Variants in ECI2 observed in about 807,000 individuals in gnomAD.
The protein encoded by ECI2 is enoyl-CoA delta isomerase 2, also known as D3,D2-enoyl-CoA isomerase.
A neutral mutation model predicts 38.4 loss-of-function variants in ECI2; 27 were observed. The ratio of observed to expected loss-of-function variants is 0.70; its 90% CI spans 0.52 to 0.97. The LOEUF is 0.97. Ranked by LOEUF, ECI2 falls within the 50% of genes least tolerant of loss-of-function variation. The pLI is 0.00. For missense variants in ECI2, 470 were observed against 474.4 expected (o/e 0.99, Z 0.09); for synonymous variants, 168 against 172.0 (o/e 0.98, Z 0.18).
chr6:4,120,010 A>G (rs1772593158), intron 7 of ECI2, among the ~76,000 whole-genome samples: 1 of 152,162 alleles, frequency 6.6e-6, no homozygotes, highest in Non-Finnish European at 1.5e-5. Flanking sequence ...GTTCCTCGCT[A>G]TTTCTGAGTA....
chr6:4,135,570 G>A lies in ECI2; in HGVS notation c.-10C>T. On this transcript the variant is annotated 5_prime_UTR_variant, in exon 1 of 10. Transcript: ENST00000380118. ...AGTACGCCATCGCCATCCCTTGGGC[G>A]GCTCTAGGGCTGCGGGGGCTCGGGG... 2 of 1,591,252 alleles carry A rather than the reference G, an allele frequency of 1.3e-6. No homozygotes were observed. Among genetic ancestry groups the A allele is most frequent in the Non-Finnish European group, 1.7e-6 (2 of 1,170,870 alleles).
Position 4,119,287 on chromosome 6 carries a change from G to A in ECI2, c.796-12C>T. The A allele has an allele frequency of 6.4e-7, 1 of 1,569,446 alleles. No homozygotes were observed. The highest frequency in any genetic ancestry group is 8.6e-7 in the Non-Finnish European group (1 of 1,156,350). ...GTATGAAATGTTGCCTGCAGAGGCA[G>A]GAGAGAAAAGAAAACCATCTTTTCA... On this transcript the variant is annotated splice_polypyrimidine_tract_variant and intron_variant, in intron 7 of 9. Coordinates refer to ENST00000380118, the MANE Select transcript of ECI2 (RefSeq NM_206836.3).
At chr6:4,133,395 G>A (rs557587020) in intron 2 of ECI2, among the ~76,000 whole-genome samples, 154 bp downstream of exon 2, 2 of 151,884 alleles carry the variant, frequency 1.3e-5, no homozygotes, top group African/African-American at 4.8e-5. Context: ...ATAAAAAACT[G>A]GCATATATAT....
chr6:4,116,703 C>T (rs1329474931), intron 9 of ECI2, among the ~76,000 whole-genome samples: 1 of 152,088 alleles, frequency 6.6e-6, no homozygotes, highest in African/African-American at 2.4e-5. Flanking sequence ...CTTGGCCTCC[C>T]AAAGTACTGA....
intron 6 of ECI2, chr6:4,125,675 T>C (rs2113988952): frequency 4.5e-6 from 2 of 447,284 alleles, no homozygotes; most frequent in South Asian, 4.6e-5. Flanking sequence ...AGAGATTAGG[T>C]TGGGTGACTG....
chr6:4,119,298 A>C, intron 7 of ECI2, 23 bp from the exon 8 acceptor site: 1 of 1,547,434 alleles, frequency 6.5e-7, no homozygotes, highest in South Asian at 1.2e-5. Flanking sequence ...GAGAGAAAAG[A>C]AAACCATCTT....
At chr6:4,125,047 T>TATTG (rs1773051458) in intron 7 of ECI2, 3 of 811,646 alleles carry the variant, frequency 3.7e-6, no homozygotes, top group Admixed American at 2.3e-5. Context: ...GTTGGAACAA[T>TATTG]GTTCACAACA....
chr6:4,126,082 T>C (rs1773134804), intron 6 of ECI2, 53 bp downstream of exon 6: 2 of 1,453,138 alleles, frequency 1.4e-6, no homozygotes, highest in South Asian at 2.4e-5. Context: ...AAATACCACT[T>C]TGATGACTAA....
intron 2 of ECI2, among the ~76,000 whole-genome samples, chr6:4,133,241 T>G (rs997746980): frequency 1.3e-5 from 2 of 152,156 alleles, no homozygotes; most frequent in Non-Finnish European, 2.9e-5. Flanking sequence ...CTTCCCCAAT[T>G]GTCTTAAAAA....
chr6:4,132,410 C>A (rs1773543090), intron 2 of ECI2, among the ~76,000 whole-genome samples: 1 of 151,978 alleles, frequency 6.6e-6, no homozygotes, highest in African/African-American at 2.4e-5. Context: ...TAAATCACAT[C>A]GTTAAGACAA....
chr6:4,130,322 A>G (rs1561658340), intron 4 of ECI2, 50 bp downstream of exon 4: 1 of 1,614,076 alleles, frequency 6.2e-7, no homozygotes, highest in Non-Finnish European at 8.5e-7. Context: ...TGTGAAACAC[A>G]TAGAAGAAGA....
intron 7 of ECI2, 22 bp from the exon 8 acceptor site, chr6:4,119,297 G>T: frequency 6.6e-7 from 1 of 1,525,092 alleles, no homozygotes; most frequent in South Asian, 1.2e-5. Flanking sequence ...GGAGAGAAAA[G>T]AAAACCATCT....
intron 7 of ECI2, among the ~76,000 whole-genome samples, chr6:4,119,797 C>T (rs1349065816): frequency 6.6e-6 from 1 of 152,148 alleles, no homozygotes; most frequent in Non-Finnish European, 1.5e-5. Context: ...TACTGACATG[C>T]GGAACATTTC....
rs775051218 is a variant in ECI2, at chr6:4,127,775, G to A, written c.558C>T (p.Ile186=). The change falls in exon 5 of 10, where the codon ATC becomes ATT. Residue 186 remains isoleucine (I), a synonymous_variant. Coordinates refer to ENST00000380118, the MANE Select transcript of ECI2 (RefSeq NM_206836.3). The part of the protein sequence containing the change: ...LKAASKDDSI[I]TVLTGNGDYY... ...AAAATGTCTTACCTGTTAAAACAGT[G>A]ATGATTGAGTCATCCTTGCTGGCAG... is the stretch of plus-strand genomic sequence containing the variant. 1.7e-5 allele frequency: 27 copies of A among 1,613,072 alleles called. No individual in the cohort carries two copies. The highest frequency in any genetic ancestry group is 5.0e-5 in the Admixed American group (3 of 59,908).
In ECI2 at chr6:4,119,603, G is replaced by A. The variant is rs887633756; in HGVS notation, c.796-328C>T. ...CCCAAAGTGCTAGGATCACAGGCGT[G>A]AGCCACCATGCCTGGCTTCATGTGT... is the stretch of plus-strand genomic sequence containing the variant. On this transcript the variant is annotated intron_variant, in intron 7 of 9. Coordinates refer to ENST00000380118, the MANE Select transcript of ECI2 (RefSeq NM_206836.3). 2.0e-5 allele frequency among the ~76,000 whole-genome samples: 3 copies of A among 152,218 alleles called. 1 individual carries two copies. Among genetic ancestry groups the A allele is most frequent in the African/African-American group, 7.2e-5 (3 of 41,458 alleles).
intron 6 of ECI2, 168 bp from the exon 7 acceptor site, chr6:4,125,538 A>G: frequency 2.1e-6 from 2 of 954,840 alleles, no homozygotes; most frequent in Middle Eastern, 4.5e-4. Context: ...TCCGCACCAG[A>G]TTCATCCAGG....
rs1158573504 is a variant in ECI2 at position 4,126,246 on chromosome 6, A to C, written c.572-9T>G. The C allele has an allele frequency of 6.2e-7, 1 of 1,603,512 alleles. No homozygotes were observed. The highest frequency in any genetic ancestry group is 8.5e-7 in the Non-Finnish European group (1 of 1,173,614). On this transcript the variant is annotated splice_polypyrimidine_tract_variant and intron_variant, in intron 5 of 9. Transcript: ENST00000380118. ...GTAATAGTCACCATTTCCTATAAGTAAGAAAATCAACAGATCCCTCATTCA... is the reference window on the plus strand; with the variant it reads ...GTAATAGTCACCATTTCCTATAAGTCAGAAAATCAACAGATCCCTCATTCA...
intron 7 of ECI2, chr6:4,122,140 A>G: frequency 1.5e-6 from 1 of 660,506 alleles, no homozygotes; most frequent in Non-Finnish European, 2.6e-6. Flanking sequence ...CTGGCGTCAG[A>G]CTACTTAGGG....
chr6:4,119,572 C>G (rs1157284347), intron 7 of ECI2, among the ~76,000 whole-genome samples: 1 of 152,112 alleles, frequency 6.6e-6, no homozygotes, highest in African/African-American at 2.4e-5. Context: ...CCACCTGCCT[C>G]GGCCTCCCAA....
Sources: allele counts gnomAD v4.1 joint callset (sites outside exome capture counted in the v4.1 genomes callset), GRCh38; gene constraint gnomAD v4.1.1; transcripts MANE v1.5; gene names NCBI Gene and HGNC (gene_info 2026-07-23, HGNC 2026-07-21).